EXOC2: variants seen among roughly 807,000 people sequenced by gnomAD.
The protein encoded by EXOC2 is SEC5-like 1.
EXOC2 carries 70 observed loss-of-function variants against 131.8 expected under a neutral mutation model. That is an observed-to-expected ratio of 0.53 (90% CI 0.44 to 0.65). The LOEUF is 0.65. Among genes scored for constraint, EXOC2 ranks in the 30% least tolerant of loss-of-function variants. The pLI is 0.00. For synonymous variants in EXOC2, 411 were observed against 398.4 expected (o/e 1.03, Z -0.38); for missense variants, 923 against 1,108.6 (o/e 0.83, Z 2.38).
chr6:535,289 C>T (rs1412060627), intron 22 of EXOC2, among the ~76,000 whole-genome samples: 2 of 152,048 alleles, frequency 1.3e-5, no homozygotes, highest in Admixed American at 6.6e-5. Context: ...GACTTTAGCC[C>T]AGGAGATCGA....
intron 7 of EXOC2, among the ~76,000 whole-genome samples, chr6:606,839 G>A (rs114360070): frequency 0.014 from 2,123 of 152,292 alleles, 22 homozygotes; most frequent in Middle Eastern, 0.041. Flanking sequence ...GTGGATTTGC[G>A]TTTCACTTCC....
At chr6:659,983 A>C (rs1763340794) in intron 1 of EXOC2, among the ~76,000 whole-genome samples, 1 of 120,748 alleles carries the variant, frequency 8.3e-6, no homozygotes, top group Non-Finnish European at 1.6e-5. Context: ...CCGTCTTGCC[A>C]CTCAGGGCTG....
intron 1 of EXOC2, among the ~76,000 whole-genome samples, chr6:657,908 A>C (rs1323904030): frequency 6.6e-6 from 1 of 152,194 alleles, no homozygotes; most frequent in Non-Finnish European, 1.5e-5. Flanking sequence ...TACTGTAAAT[A>C]TCTTCCCCAG....
chr6:607,518 G>A (rs1581543426), intron 7 of EXOC2, among the ~76,000 whole-genome samples: 2 of 152,172 alleles, frequency 1.3e-5, no homozygotes, highest in Admixed American at 6.5e-5. Context: ...TACTTACACA[G>A]CATGTCTACA....
intron 23 of EXOC2, among the ~76,000 whole-genome samples, chr6:526,028 A>T (rs891012198): frequency 6.6e-6 from 1 of 152,250 alleles, no homozygotes; most frequent in Admixed American, 6.5e-5. Flanking sequence ...AAATGTTTCA[A>T]TAAACATCAC....
intron 23 of EXOC2, among the ~76,000 whole-genome samples, chr6:514,189 C>G (rs1227525825): frequency 2.6e-5 from 4 of 152,150 alleles, no homozygotes; most frequent in African/African-American, 9.7e-5. Flanking sequence ...TTACTGTGGT[C>G]TCTTAGGAAA....
At chr6:501,673 G>GAT (rs749207555) in intron 23 of EXOC2, among the ~76,000 whole-genome samples, 1 of 111,352 alleles carries the variant, frequency 9.0e-6, no homozygotes, top group Non-Finnish European at 1.7e-5. Context: ...ATCTATAAAA[G>GAT]ATATATATAT....
At chr6:687,901 G>A (rs1764737656) in intron 1 of EXOC2, among the ~76,000 whole-genome samples, 2 of 152,194 alleles carry the variant, frequency 1.3e-5, no homozygotes, top group Admixed American at 6.5e-5. Flanking sequence ...AGTTTTTTCT[G>A]TTTTACTTTA....
intron 27 of EXOC2, among the ~76,000 whole-genome samples, chr6:488,318 G>A (rs1158712127): frequency 2.0e-5 from 3 of 152,238 alleles, no homozygotes; most frequent in South Asian, 2.1e-4. Flanking sequence ...CGGCAGCCAC[G>A]TGCAGGGCGG....
intron 2 of EXOC2, 92 bp from the exon 3 acceptor site, chr6:633,209 T>C: frequency 1.5e-6 from 2 of 1,362,774 alleles, no homozygotes; most frequent in South Asian, 2.6e-5. Flanking sequence ...CTAGTCTTGT[T>C]CAATAATGAC....
At chr6:669,544 T>C (rs1259198042) in intron 1 of EXOC2, 2 of 152,328 alleles carry the variant, frequency 1.3e-5, no homozygotes, top group Admixed American at 6.5e-5. Flanking sequence ...TTGACTGTTC[T>C]GCTGGCCTTT....
chr6:531,018 C>A (rs1160159960), intron 23 of EXOC2, among the ~76,000 whole-genome samples: 2 of 152,186 alleles, frequency 1.3e-5, no homozygotes, highest in Non-Finnish European at 2.9e-5. Flanking sequence ...CCATTTCACA[C>A]TGGGAACTTG....
intron 24 of EXOC2, 25 bp from the exon 25 acceptor site, chr6:497,514 TGCTTTGTGGG>T (rs746492159): frequency 1.1e-5 from 17 of 1,591,736 alleles, no homozygotes; most frequent in Non-Finnish European, 1.0e-5. Flanking sequence ...GAAGACATGG[TGCTTTGTGGG>T]GCTTTTTGAC....
At chr6:510,681 CATAAG>C (rs1003749687) in intron 23 of EXOC2, among the ~76,000 whole-genome samples, 5 of 152,154 alleles carry the variant, frequency 3.3e-5, no homozygotes, top group East Asian at 3.9e-4. Flanking sequence ...ATTATCCTAA[CATAAG>C]ATGTCACAGA....
chr6:602,881 G>A (rs1449899334), intron 7 of EXOC2, among the ~76,000 whole-genome samples: 1 of 152,254 alleles, frequency 6.6e-6, no homozygotes, highest in East Asian at 1.9e-4. Flanking sequence ...CACACCAGTC[G>A]GTGGAACTCA....
chr6:617,089 A>G (rs1299210779), intron 6 of EXOC2, among the ~76,000 whole-genome samples: 1 of 152,214 alleles, frequency 6.6e-6, no homozygotes, highest in Admixed American at 6.5e-5. Context: ...TAAGTATCTT[A>G]GCTATTAAAA....
At chr6:658,166 C>T (rs1003176227) in intron 1 of EXOC2, among the ~76,000 whole-genome samples, 2 of 152,074 alleles carry the variant, frequency 1.3e-5, no homozygotes, top group Non-Finnish European at 2.9e-5. Context: ...TCTCCACTAA[C>T]CTGAAATGTC....
chr6:494,441 G>A (rs934224183), intron 25 of EXOC2, among the ~76,000 whole-genome samples: 2 of 147,144 alleles, frequency 1.4e-5, no homozygotes, highest in African/African-American at 5.0e-5. Flanking sequence ...ATTTGCACCC[G>A]TTTTTTTTTT....
chr6:522,206 C>T (rs528582474), intron 23 of EXOC2, among the ~76,000 whole-genome samples: 5 of 152,308 alleles, frequency 3.3e-5, no homozygotes, highest in Non-Finnish European at 5.9e-5. Context: ...GCACTGTGAG[C>T]TGGGCTGGTC....
Sources: gnomAD v4.1 joint callset for allele counts (sites outside exome capture counted in the v4.1 genomes callset) on GRCh38, gnomAD v4.1.1 for gene constraint, MANE v1.5 for transcripts, NCBI Gene and HGNC (gene_info 2026-07-23, HGNC 2026-07-21) for gene names.